The following BTD variants were observed in gnomAD, a reference collection of about 807,000 sequenced individuals.
BTD encodes biocytinase.
A neutral mutation model predicts 17.7 loss-of-function variants in BTD; 13 were observed. The ratio of observed to expected loss-of-function variants is 0.74; its 90% CI spans 0.48 to 1.17. BTD has a LOEUF of 1.17. BTD is among the 50% of genes most tolerant of loss of function. The probability of loss-of-function intolerance (pLI) is 0.00; values close to 1 mark genes in which losing one functional copy is unlikely to be tolerated. For missense variants in BTD, 674 were observed against 650.4 expected, an observed-to-expected ratio of 1.04 and a Z score of -0.39; for synonymous variants, 240 against 245.2, an observed-to-expected ratio of 0.98 and a Z score of 0.20.
At chr3:15,692,848 G>A (rs1293454374) in intron 3 of BTD, among the ~76,000 whole-genome samples, 2 of 152,148 alleles carry the variant, frequency 1.3e-5, no homozygotes, top group Non-Finnish European at 2.9e-5. Context: ...ATAGCCAAGA[G>A]AAGAAAGCAA....
chr3:15,669,003 A>C (rs1050115461), intron 3 of BTD: 36 of 152,606 alleles, frequency 2.4e-4, no homozygotes, highest in African/African-American at 8.7e-4. Flanking sequence ...AAAAGCCGAA[A>C]TATCAGCCTT....
chr3:15,712,732 T>G (rs1035907251), exon 4 of BTD, among the ~76,000 whole-genome samples: 2 of 152,178 alleles, frequency 1.3e-5, no homozygotes, highest in African/African-American at 4.8e-5. Context: ...ATAAGGAGAA[T>G]GAATATATTG....
chr3:15,625,686 G>T (rs2065049447), intron 1 of BTD, among the ~76,000 whole-genome samples: 1 of 152,132 alleles, frequency 6.6e-6, no homozygotes, highest in Non-Finnish European at 1.5e-5. Flanking sequence ...CTCCCAAGTA[G>T]CTGGGACTAC....
chr3:15,610,618 T>C (rs545153543), intron 1 of BTD, among the ~76,000 whole-genome samples: 1 of 152,376 alleles, frequency 6.6e-6, no homozygotes, highest in East Asian at 1.9e-4. Flanking sequence ...CTGTACTCTC[T>C]GTTCTTTTCC....
At chr3:15,682,290 G>A (rs1057313281) in intron 3 of BTD, among the ~76,000 whole-genome samples, 2 of 152,076 alleles carry the variant, frequency 1.3e-5, no homozygotes, top group African/African-American at 4.8e-5. Flanking sequence ...TTCTAATACA[G>A]TCAGTATCAA....
intron 3 of BTD, chr3:15,696,221 G>A (rs369619563): frequency 3.8e-6 from 6 of 1,585,946 alleles, no homozygotes; most frequent in East Asian, 4.5e-5. Context: ...GATTTGCATC[G>A]TTTCTTAATA....
chr3:15,651,610 T>C lies in BTD; in HGVS notation c.*6122T>C, dbSNP rs965506710. ...CAGGCAGAGAGCCAGGCGATCCATA[T>C]CCTGTCTCCTCTCTCTTCTCCGCTC... On this transcript the variant is annotated 3_prime_UTR_variant, in exon 4 of 4. Transcript: ENST00000643237. Among the ~76,000 whole-genome samples, 4 of 152,318 alleles carry C rather than the reference T, an allele frequency of 2.6e-5. No homozygotes were observed. Among genetic ancestry groups the C allele is most frequent in the African/African-American group, 9.6e-5 (4 of 41,574 alleles).
chr3:15,673,329 T>A (rs1240233623), intron 3 of BTD, among the ~76,000 whole-genome samples: 3 of 152,230 alleles, frequency 2.0e-5, no homozygotes, highest in Admixed American at 2.0e-4. Context: ...ATGTCTTATT[T>A]TACACTATAT....
intron 3 of BTD, chr3:15,685,409 G>A (rs1222984961): frequency 6.2e-7 from 1 of 1,613,618 alleles, no homozygotes; most frequent in Non-Finnish European, 8.5e-7. Context: ...CCATGTTGAA[G>A]TAATGCATCT....
chr3:15,611,782 A>T (rs1483221804), intron 1 of BTD, among the ~76,000 whole-genome samples: 1 of 151,986 alleles, frequency 6.6e-6, no homozygotes, highest in Non-Finnish European at 1.5e-5. Context: ...TCTCAAAAAA[A>T]AAAAAGAAAA....
At chr3:15,712,135 C>T (rs766254388) in exon 4 of BTD, 1 of 1,567,402 alleles carries the variant, frequency 6.4e-7, no homozygotes, top group Non-Finnish European at 8.7e-7. Context: ...AAAGGTTACA[C>T]TTACCTGAAG....
At chr3:15,657,410 G>A (rs1307525783), downstream of BTD, among the ~76,000 whole-genome samples, 2 of 152,162 alleles carry the variant, frequency 1.3e-5, no homozygotes, top group East Asian at 3.8e-4. Context: ...CAATAACTCT[G>A]TAAGATAGAT....
intron 3 of BTD, among the ~76,000 whole-genome samples, chr3:15,689,162 G>C (rs1559339867): frequency 6.6e-6 from 1 of 152,088 alleles, no homozygotes; most frequent in Non-Finnish European, 1.5e-5. Context: ...AATCTCCTTG[G>C]GTCTGGAAAC....
At chr3:15,619,125 G>A (rs936105439) in intron 1 of BTD, among the ~76,000 whole-genome samples, 4 of 152,266 alleles carry the variant, frequency 2.6e-5, no homozygotes, top group Non-Finnish European at 1.5e-5. Flanking sequence ...CCTTGCTCCC[G>A]ATCTTTGTAT....
At chr3:15,660,289 TC>T (rs2065909970) in intron 3 of BTD, among the ~76,000 whole-genome samples, 1 of 152,212 alleles carries the variant, frequency 6.6e-6, no homozygotes, top group Admixed American at 6.5e-5. Context: ...GGCAATACTG[TC>T]CCAGCCATAC....
At chr3:15,680,368 T>G (rs775619069) in intron 3 of BTD, among the ~76,000 whole-genome samples, 1 of 151,928 alleles carries the variant, frequency 6.6e-6, no homozygotes, top group Non-Finnish European at 1.5e-5. Flanking sequence ...CATGCCCAGC[T>G]AGCTTTTTTC....
In BTD at chr3:15,690,213, T is replaced by C. The variant is rs1467133879; in HGVS notation, c.400-19847T>C. 7 of 1,594,568 alleles carry C rather than the reference T, an allele frequency of 4.4e-6. No individual in the cohort carries two copies. The highest frequency in any genetic ancestry group is 4.0e-5 in the African/African-American group (3 of 74,390). ...CACTTCCAGTGCTTGATGGTGACCA[T>C]GATAGGCCTAGAAATAAATAAAAAT... On this transcript the variant is annotated intron_variant, in intron 3 of 3. Transcript: ENST00000672141.
intron 3 of BTD, chr3:15,670,306 C>G (rs1203896497): frequency 6.2e-7 from 1 of 1,613,958 alleles, no homozygotes; most frequent in South Asian, 1.1e-5. Context: ...TGAGCTCATC[C>G]ACGTCAGTGT....
Position 15,644,860 on chromosome 3 carries a change from C to T in BTD, c.944C>T (p.Ala315Val), listed in dbSNP as rs1465883743. 3 of 1,614,142 alleles carry T rather than the reference C, an allele frequency of 1.9e-6. No homozygotes were observed. The Admixed American group carries it at 5.0e-5, about 27-fold the overall frequency. ...AATCCCAAAAGTCACCTTATAATTGCCCAGGTGGCCAAAAATCCAGTGGGT... is the reference window on the plus strand; with the variant it reads ...AATCCCAAAAGTCACCTTATAATTGTCCAGGTGGCCAAAAATCCAGTGGGT... ...MENPKSHLII[A>V]QVAKNPVGLI... is the part of the protein sequence containing the mutation. The change falls in exon 4 of 4, where the codon GCC becomes GTC. Residue 315 changes from alanine (A) to valine (V), a missense_variant. Transcript: ENST00000643237.
Sources: allele counts gnomAD v4.1 joint callset (sites outside exome capture counted in the v4.1 genomes callset), GRCh38; gene constraint gnomAD v4.1.1; transcripts MANE v1.5; gene names NCBI Gene and HGNC (gene_info 2026-07-23, HGNC 2026-07-21).